The following VTI1A variants were observed in gnomAD, a reference collection of about 807,000 sequenced individuals.
VTI1A encodes vesicle transport through interaction with t-SNAREs homolog 1A.
VTI1A carries 22 observed loss-of-function variants against 34.9 expected under a neutral mutation model. The observed-to-expected ratio is 0.63, with a 90% confidence interval of 0.45 to 0.90. VTI1A has a LOEUF of 0.90. Among genes scored for constraint, VTI1A ranks in the 40% least tolerant of loss-of-function variants. The pLI is 0.00. For missense variants in VTI1A, 268 were observed against 275.6 expected (o/e 0.97, Z 0.20); for synonymous variants, 87 against 97.3 (o/e 0.89, Z 0.62).
intron 7 of VTI1A, among the ~76,000 whole-genome samples, chr10:112,734,739 G>A (rs376594863): frequency 2.7e-5 from 4 of 149,506 alleles, no homozygotes; most frequent in African/African-American, 7.4e-5. Flanking sequence ...TGCAATCTCC[G>A]CCTCCCAGGT....
intron 3 of VTI1A, among the ~76,000 whole-genome samples, chr10:112,490,398 C>G (rs941328752): frequency 6.6e-6 from 1 of 152,140 alleles, no homozygotes; most frequent in African/African-American, 2.4e-5. Context: ...AAAACTCTTT[C>G]TCAATCTTCT....
rs1416609907 is a variant in VTI1A at position 112,651,310 on chromosome 10, G to A, written c.428-16908G>A. On this transcript the variant is annotated intron_variant, in intron 5 of 7. Coordinates refer to ENST00000393077, the MANE Select transcript of VTI1A (RefSeq NM_145206.4). ...TGCCATCATCTCTCTTAGTGGAATA[G>A]CCCCTCTTTTATTTTTTGAGATGGA... Among the ~76,000 whole-genome samples, 6 of 152,228 alleles carry A rather than the reference G, an allele frequency of 3.9e-5. No homozygotes were observed. In the East Asian group the frequency reaches 1.2e-3, roughly 29 times the overall value.
chr10:112,814,643 A>T (rs1853445080), intron 7 of VTI1A, among the ~76,000 whole-genome samples: 1 of 152,150 alleles, frequency 6.6e-6, no homozygotes, highest in Admixed American at 6.5e-5. Context: ...ACAGACGCAC[A>T]ACAGGCACCT....
intron 5 of VTI1A, among the ~76,000 whole-genome samples, chr10:112,550,031 T>C (rs1248056401): frequency 2.0e-5 from 3 of 152,196 alleles, no homozygotes; most frequent in Admixed American, 6.5e-5. Flanking sequence ...ACCTTCTCCT[T>C]AGGTAGTCCA....
intron 3 of VTI1A, among the ~76,000 whole-genome samples, chr10:112,484,219 AG>A (rs1483630246): frequency 2.0e-5 from 3 of 152,244 alleles, no homozygotes; most frequent in Non-Finnish European, 4.4e-5. Context: ...ATTGTGTCTC[AG>A]CTTCTTCGAC....
intron 5 of VTI1A, among the ~76,000 whole-genome samples, chr10:112,639,493 T>G (rs1301075456): frequency 6.6e-6 from 1 of 152,148 alleles, no homozygotes; most frequent in African/African-American, 2.4e-5. Flanking sequence ...TTTGGCATAC[T>G]CAGACCTAGA....
chr10:112,703,625 A>G (rs986462103), intron 7 of VTI1A, among the ~76,000 whole-genome samples: 2 of 152,224 alleles, frequency 1.3e-5, no homozygotes, highest in South Asian at 2.1e-4. Context: ...AATCTACAGT[A>G]TATGATTGTA....
intron 7 of VTI1A, among the ~76,000 whole-genome samples, chr10:112,694,503 C>A (rs1179197827): frequency 6.6e-6 from 1 of 151,966 alleles, no homozygotes; most frequent in African/African-American, 2.4e-5. Context: ...AGTTAAAGAT[C>A]TGGAAGGAAA....
At chr10:112,502,207 A>G (rs1298962899) in intron 3 of VTI1A, among the ~76,000 whole-genome samples, 1 of 150,862 alleles carries the variant, frequency 6.6e-6, no homozygotes. Context: ...TTTTTTTCTA[A>G]TTTTTTGTAG....
At chr10:112,693,232 AT>A (rs1298697044) in intron 7 of VTI1A, among the ~76,000 whole-genome samples, 1 of 152,188 alleles carries the variant, frequency 6.6e-6, no homozygotes, top group African/African-American at 2.4e-5. Context: ...AATGATTTAA[AT>A]TTGTAAATAA....
At chr10:112,447,103 G>A (rs988072946), upstream of VTI1A, 6 of 479,538 alleles carry the variant, frequency 1.3e-5, no homozygotes, top group Non-Finnish European at 1.9e-5. Flanking sequence ...ACGCTTTTCT[G>A]GGGGGAGGCA....
chr10:112,829,685 C>T, the VTI1A span, among the ~76,000 whole-genome samples: 15 of 151,024 alleles, frequency 9.9e-5, no homozygotes, highest in Non-Finnish European at 1.6e-4. Flanking sequence ...ACCCGGGAGG[C>T]GGAGGTTGCA....
chr10:112,668,979 C>T lies in VTI1A; in HGVS notation c.541C>T (p.Leu181=), dbSNP rs1299041584. 6.2e-7 allele frequency: 1 copy of T among 1,612,444 alleles called. No homozygotes were observed. Among genetic ancestry groups the T allele is most frequent in the Admixed American group, 1.7e-5 (1 of 59,974 alleles). Residue 181 remains leucine (L), a synonymous_variant, in exon 7 of 8, where the codon CTG becomes TTG. Transcript: ENST00000393077. ...DANLGKSSRI[L]TGMLRRIIQN... ...TAATTTGGGAAAAAGCTCCAGGATT[C>T]TGACAGGGATGTTGCGAAGGTAAGA... is the stretch of plus-strand genomic sequence containing the variant.
chr10:112,847,201 C>T, the VTI1A span, among the ~76,000 whole-genome samples: 31 of 152,150 alleles, frequency 2.0e-4, 1 homozygote, highest in Non-Finnish European at 4.1e-4. Flanking sequence ...CCTCCAGCTG[C>T]GGGGTCTCTC....
chr10:112,705,114 G>A (rs1197623584), intron 7 of VTI1A, among the ~76,000 whole-genome samples: 1 of 151,062 alleles, frequency 6.6e-6, no homozygotes, highest in Non-Finnish European at 1.5e-5. Flanking sequence ...ATGTTGTCTG[G>A]GCTCGTCTGA....
At position 112,448,706 on chromosome 10, in the gene VTI1A, G is replaced by A. The variant is rs3808923; in HGVS notation, c.94+1239G>A. 1.1e-3 allele frequency among the ~76,000 whole-genome samples: 175 copies of A among 152,230 alleles called. 2 individuals carry two copies. The East Asian group carries it at 0.031, about 27-fold the overall frequency. ...AAGGTGGATGTGCTCATTAATCTGCGGATTGGTGGGCACTTCACTTGCCCA... is the reference window on the plus strand; with the variant it reads ...AAGGTGGATGTGCTCATTAATCTGCAGATTGGTGGGCACTTCACTTGCCCA... On this transcript the variant is annotated intron_variant, in intron 1 of 7. Transcript: ENST00000393077.
At chr10:112,749,301 C>G (rs1441888719) in intron 7 of VTI1A, among the ~76,000 whole-genome samples, 3 of 152,310 alleles carry the variant, frequency 2.0e-5, no homozygotes, top group Non-Finnish European at 2.9e-5. Context: ...CTTACTGACA[C>G]TCTATTTGCT....
chr10:112,788,158 G>A (rs1852351436), intron 7 of VTI1A, among the ~76,000 whole-genome samples: 1 of 151,742 alleles, frequency 6.6e-6, no homozygotes, highest in African/African-American at 2.4e-5. Context: ...TTCTATAAAT[G>A]TTGATTTCTA....
At chr10:112,666,388 T>C (rs1397158367) in intron 5 of VTI1A, among the ~76,000 whole-genome samples, 1 of 152,240 alleles carries the variant, frequency 6.6e-6, no homozygotes, top group African/African-American at 2.4e-5. Context: ...CAGTGCTTTT[T>C]CTGATGTGCT....
Sources: gnomAD v4.1 joint callset for allele counts (sites outside exome capture counted in the v4.1 genomes callset) on GRCh38, gnomAD v4.1.1 for gene constraint, MANE v1.5 for transcripts, NCBI Gene and HGNC (gene_info 2026-07-23, HGNC 2026-07-21) for gene names.